The following RNF125 variants were observed in gnomAD, a reference collection of about 807,000 sequenced individuals.
RNF125 encodes the protein E3 ubiquitin-protein ligase RNF125.
A neutral mutation model predicts 26.0 loss-of-function variants in RNF125; 21 were observed. That is an observed-to-expected ratio of 0.81 (90% CI 0.57 to 1.16). RNF125 has a LOEUF of 1.16. Ranked by LOEUF, RNF125 falls within the 50% of genes most tolerant of loss-of-function variation. The pLI, the probability that RNF125 is intolerant of heterozygous loss-of-function variation, is 0.00. For synonymous variants in RNF125, 95 were observed against 109.2 expected, an observed-to-expected ratio of 0.87 and a Z score of 0.81; for missense variants, 270 against 299.4, an observed-to-expected ratio of 0.90 and a Z score of 0.72.
the RNF125 span, among the ~76,000 whole-genome samples, chr18:32,086,868 T>C: frequency 6.6e-6 from 1 of 152,008 alleles, no homozygotes; most frequent in East Asian, 1.9e-4. Flanking sequence ...TCCAGGCTGG[T>C]CTCAAATTCC....
chr18:32,082,648 G>C, the RNF125 span, among the ~76,000 whole-genome samples: 1 of 152,178 alleles, frequency 6.6e-6, no homozygotes, highest in South Asian at 2.1e-4. Context: ...GCCAGCCTTG[G>C]CTCTTCAATT....
chr18:32,042,660 C>T (rs1468319696), intron 3 of RNF125, among the ~76,000 whole-genome samples: 1 of 151,810 alleles, frequency 6.6e-6, no homozygotes, highest in Non-Finnish European at 1.5e-5. Flanking sequence ...TTCACCAGCT[C>T]ATTCCTTATC....
chr18:32,020,877 C>T (rs2144423508), intron 1 of RNF125, among the ~76,000 whole-genome samples: 2 of 151,766 alleles, frequency 1.3e-5, no homozygotes, highest in Non-Finnish European at 2.9e-5. Flanking sequence ...TCATTGCACT[C>T]TAGCCCGGGC....
At chr18:32,034,091 C>T (rs2039127088) in intron 1 of RNF125, among the ~76,000 whole-genome samples, 2 of 152,198 alleles carry the variant, frequency 1.3e-5, no homozygotes, top group Admixed American at 6.5e-5. Context: ...TGACCTGGCA[C>T]CTCCAGCACC....
intron 1 of RNF125, among the ~76,000 whole-genome samples, chr18:32,035,947 G>A (rs1248257667): frequency 1.3e-5 from 2 of 152,180 alleles, no homozygotes; most frequent in African/African-American, 4.8e-5. Context: ...GAGGTCAGGA[G>A]TTCGAGACCA....
chr18:32,029,214 C>G (rs970046024), intron 1 of RNF125, among the ~76,000 whole-genome samples: 28 of 152,120 alleles, frequency 1.8e-4, no homozygotes, highest in African/African-American at 5.1e-4. Context: ...ATTCATATTG[C>G]TGTATCAGTT....
rs184704255 is a variant in RNF125, at chr18:32,032,162, C to T, written c.165-4954C>T. Among the ~76,000 whole-genome samples, 71 of 152,046 alleles carry T rather than the reference C, an allele frequency of 4.7e-4. No homozygotes were observed. The East Asian group carries it at 4.8e-3, about 10-fold the overall frequency. On this transcript the variant is annotated intron_variant, in intron 1 of 5. Coordinates refer to ENST00000217740, the MANE Select transcript of RNF125 (RefSeq NM_017831.4). ...CACGATCTTGGCTCACTGCATCCTC[C>T]GCCTCCCGGGTTCAAGTGATTCTCC... is the stretch of plus-strand genomic sequence containing the variant.
At chr18:32,049,061 G>T (rs1002745981) in intron 4 of RNF125, among the ~76,000 whole-genome samples, 1 of 152,136 alleles carries the variant, frequency 6.6e-6, no homozygotes, top group South Asian at 2.1e-4. Flanking sequence ...AGCAATCTGG[G>T]GCAGGCCGTG....
chr18:32,045,659 G>A lies in RNF125; in HGVS notation c.431G>A (p.Cys144Tyr), dbSNP rs754930963. 2 of 1,609,230 alleles carry A rather than the reference G, an allele frequency of 1.2e-6. No individual in the cohort carries two copies. The highest frequency in any genetic ancestry group is 1.7e-6 in the Non-Finnish European group (2 of 1,177,448). The change falls in exon 4 of 6, where the codon TGT (cysteine) becomes TAT (tyrosine). Residue 144 changes from cysteine to tyrosine, a missense_variant. Physicochemically the swap from Cys to Tyr is radical, Grantham distance 194. Coordinates refer to ENST00000217740, the MANE Select transcript of RNF125 (RefSeq NM_017831.4). ...ATTTCCAGGTGTGTATGTCCCTTTTGTCAGAGGGAACTGTATGAAGACAGC... is the reference window on the plus strand; with the variant it reads ...ATTTCCAGGTGTGTATGTCCCTTTTATCAGAGGGAACTGTATGAAGACAGC... ...ETAARCVCPF[C>Y]QRELYEDSLL...
chr18:32,077,231 G>A (rs537970768), downstream of RNF125, among the ~76,000 whole-genome samples: 4 of 151,948 alleles, frequency 2.6e-5, no homozygotes, highest in South Asian at 8.3e-4. Flanking sequence ...TAGAAGGATT[G>A]CTTGGCCCAG....
intron 4 of RNF125, among the ~76,000 whole-genome samples, chr18:32,051,175 T>A (rs1416762267): frequency 6.6e-6 from 1 of 152,134 alleles, no homozygotes; most frequent in Non-Finnish European, 1.5e-5. Flanking sequence ...CAACTTATAA[T>A]TGCATATTCA....
At chr18:32,039,800 T>G (rs1246286395) in intron 2 of RNF125, among the ~76,000 whole-genome samples, 1 of 139,362 alleles carries the variant, frequency 7.2e-6, no homozygotes, top group Non-Finnish European at 1.5e-5. Context: ...TTTTTTGAGA[T>G]GGAGTCTCAC....
intron 4 of RNF125, among the ~76,000 whole-genome samples, chr18:32,058,946 A>G (rs1020780395): frequency 4.6e-5 from 7 of 152,184 alleles, no homozygotes; most frequent in Non-Finnish European, 8.8e-5. Context: ...TGTTGTTGCA[A>G]ATGACAAAAT....
At chr18:32,050,823 AGCAAGAACCTT>A (rs1450225477) in intron 4 of RNF125, among the ~76,000 whole-genome samples, 1 of 132,270 alleles carries the variant, frequency 7.6e-6, no homozygotes, top group African/African-American at 2.7e-5. Flanking sequence ...AAGATGTTTT[AGCAAGAACCTT>A]GCCCTCCAGC....
At chr18:32,074,875 A>G (rs575174700), downstream of RNF125, among the ~76,000 whole-genome samples, 1 of 152,322 alleles carries the variant, frequency 6.6e-6, no homozygotes, top group African/African-American at 2.4e-5. Context: ...AATTTTACTT[A>G]AAGTTTGGGA....
chr18:32,087,116 A>G, the RNF125 span, among the ~76,000 whole-genome samples: 1 of 151,994 alleles, frequency 6.6e-6, no homozygotes, highest in Admixed American at 6.6e-5. Flanking sequence ...CTCTTCCCCC[A>G]TACCTTACCC....
At chr18:32,057,438 G>T (rs1284539565) in intron 4 of RNF125, among the ~76,000 whole-genome samples, 1 of 151,404 alleles carries the variant, frequency 6.6e-6, no homozygotes, top group Non-Finnish European at 1.5e-5. Flanking sequence ...GGGTTTAAGC[G>T]ATTCTCCTGC....
chr18:32,035,935 C>T (rs2039148270), intron 1 of RNF125, among the ~76,000 whole-genome samples: 1 of 151,942 alleles, frequency 6.6e-6, no homozygotes, highest in Admixed American at 6.6e-5. Context: ...GGTGGATCAC[C>T]TGAGGTCAGG....
rs2039515184 is a variant in RNF125 at position 32,069,537 on chromosome 18, T to A, written c.*1153T>A. The A allele has an allele frequency of 1.3e-5, 2 of 152,134 alleles. No individual in the cohort carries two copies. The highest frequency in any genetic ancestry group is 1.3e-4 in the Admixed American group (2 of 15,258). The allele number at this position is 152,134 out of a possible 1,614,324, so 9.4% of individuals were successfully genotyped here. A position where few individuals can be genotyped will look rare whatever the true frequency, so the allele number is the denominator to read the frequency against. ...ACCAGACACAAAATTTATAGCTGAATGCCTTATTATAAGGAAATACTCTTT... is the reference window on the plus strand; with the variant it reads ...ACCAGACACAAAATTTATAGCTGAAAGCCTTATTATAAGGAAATACTCTTT... On this transcript the variant is annotated 3_prime_UTR_variant, in exon 6 of 6. Transcript: ENST00000217740.
Sources: gnomAD v4.1 joint callset for allele counts (sites outside exome capture counted in the v4.1 genomes callset) on GRCh38, gnomAD v4.1.1 for gene constraint, MANE v1.5 for transcripts, NCBI Gene and HGNC (gene_info 2026-07-23, HGNC 2026-07-21) for gene names.